MINDY1: variants seen among roughly 807,000 people sequenced by gnomAD.
MINDY1 encodes MINDY lysine 48 deubiquitinase 1, also known as ubiquitin carboxyl-terminal hydrolase MINDY-1.
Under a neutral mutation model 53.6 loss-of-function variants are expected in MINDY1, and 50 were observed. The observed-to-expected ratio is 0.93, with a 90% CI of 0.74 to 1.18. MINDY1 has a LOEUF of 1.18. Ranked by LOEUF, MINDY1 falls within the 50% of genes most tolerant of loss-of-function variation. The pLI, the probability that MINDY1 is intolerant of heterozygous loss-of-function variation, is 0.00. For missense variants in MINDY1, 484 were observed against 578.6 expected (o/e 0.84, Z 1.68); for synonymous variants, 231 against 234.7 (o/e 0.98, Z 0.14).
In MINDY1 at chr1:151,002,839, C is replaced by T. The variant is rs1178906502; in HGVS notation, c.-89-133G>A. The T allele has an allele frequency of 4.9e-6, 7 of 1,439,426 alleles. No homozygotes were observed. The highest frequency in any genetic ancestry group is 6.4e-6 in the Non-Finnish European group (7 of 1,099,794). 89.2% of individuals were successfully genotyped at this position (1,439,426 alleles called of 1,614,324 possible). A position where few individuals can be genotyped will look rare whatever the true frequency, so the allele number is the denominator to read the frequency against. ...TGGCTATGGGCAGTATATGTGTAAA[C>T]AGAAGGGCCCCGTGCTGAGCTCTTT... is the stretch of plus-strand genomic sequence containing the variant. On this transcript the variant is annotated intron_variant, in intron 1 of 9. Coordinates refer to ENST00000683666, the MANE Select transcript of MINDY1 (RefSeq NM_001376665.1). The surrounding 1 kb of genome is among the most constrained non-coding windows in gnomAD (Gnocchi z 4.1).
upstream of MINDY1, chr1:151,007,038 A>C (rs1031447285): frequency 7.8e-6 from 2 of 257,546 alleles, no homozygotes; most frequent in Non-Finnish European, 1.2e-5. Context: ...AGGAGCAAAG[A>C]GCACGATATT....
chr1:151,000,060 C>A, intron 5 of MINDY1, 96 bp from the exon 6 acceptor site: 1 of 862,954 alleles, frequency 1.2e-6, no homozygotes, highest in South Asian at 1.7e-5. Context: ...GACTACAACC[C>A]TGTGATGAAT....
At chr1:151,003,689 G>A (rs1672815547) in intron 1 of MINDY1, among the ~76,000 whole-genome samples, 1 of 152,154 alleles carries the variant, frequency 6.6e-6, no homozygotes, top group South Asian at 2.1e-4. Context: ...GGGATTACAG[G>A]CATGAGCCAC....
Position 150,998,193 on chromosome 1 carries a change from A to G in MINDY1, c.1062T>C (p.Asp354=). The change falls in exon 8 of 10, where the codon GAT becomes GAC. Residue 354 remains aspartate (D), a synonymous_variant. Coordinates refer to ENST00000683666, the MANE Select transcript of MINDY1 (RefSeq NM_001376665.1). ...CAGAGTCACAAAAGCAGCTGTCTCCATCCACATTGTGCAGGCTCTCCCATA... is the reference window on the plus strand; with the variant it reads ...CAGAGTCACAAAAGCAGCTGTCTCCGTCCACATTGTGCAGGCTCTCCCATA... ...QVVWESLHNV[D]GDSCFCDSDF... 1 of 1,614,188 alleles carries G rather than the reference A, an allele frequency of 6.2e-7. No individual in the cohort carries two copies. Among genetic ancestry groups the G allele is most frequent in the East Asian group, 2.2e-5 (1 of 44,890 alleles).
In MINDY1 at chr1:150,999,364, A is replaced by T. The variant is rs201570673; in HGVS notation, c.981+5T>A. 2,562 of 1,613,928 alleles carry T rather than the reference A, an allele frequency of 1.6e-3. 1 individual carries two copies. Among genetic ancestry groups the T allele is most frequent in the Non-Finnish European group, 1.9e-3 (2,270 of 1,179,908 alleles). ...CGCAGCACGCCACCCCCAAACTCGC[A>T]TTACCTTATGCTTAGTCATGGTGCT... is the stretch of plus-strand genomic sequence containing the variant. On this transcript the variant is annotated splice_donor_5th_base_variant and intron_variant, in intron 7 of 9. Transcript: ENST00000683666. The surrounding 1 kb of genome is among the most constrained non-coding windows in gnomAD (Gnocchi z 4.4).
chr1:150,998,226 C>G lies in MINDY1; in HGVS notation c.1029G>C (p.Glu343Asp). The change falls in exon 8 of 10, where the codon GAG (glutamate) becomes GAC (aspartate). Residue 343 changes from glutamate (E) to aspartate (D), a missense_variant. Glu to Asp is a conservative substitution (Grantham distance 45, BLOSUM62 2). Transcript: ENST00000683666. ...TGTGCAGGCTCTCCCATACGACTTG[C>G]TCCTCCTGTAGAAAGCCCTGGTCAG... ...LVTDQGFLQE[E>D]QVVWESLHNV... The G allele has an allele frequency of 1.9e-6, 3 of 1,614,184 alleles. No homozygotes were observed. Among genetic ancestry groups the G allele is most frequent in the Non-Finnish European group, 2.5e-6 (3 of 1,180,040 alleles).
chr1:150,997,693 C>A lies in MINDY1; in HGVS notation c.1260G>T (p.Gln420His), dbSNP rs1413060922. The change falls in exon 9 of 10, where the codon CAG becomes CAT. Residue 420 changes from glutamine (Q) to histidine (H), a missense_variant. Coordinates refer to ENST00000683666, the MANE Select transcript of MINDY1 (RefSeq NM_001376665.1). ...CCTGCTGCTGTTGATACTCCTCTTG[C>A]TGAAGCTGCTGGGCCAGCTCCAAGT... Reference protein sequence around the residue: ...LTDLELAQQLQQEEYQQQQAA... With the variant: ...LTDLELAQQLHQEEYQQQQAA... The A allele has an allele frequency of 6.2e-7, 1 of 1,613,540 alleles. No homozygotes were observed. The highest frequency in any genetic ancestry group is 8.5e-7 in the Non-Finnish European group (1 of 1,180,036).
chr1:151,007,437 G>A (rs1331747653), upstream of MINDY1, among the ~76,000 whole-genome samples: 1 of 152,182 alleles, frequency 6.6e-6, no homozygotes, highest in Non-Finnish European at 1.5e-5. Context: ...CCGGGAGGTG[G>A]AGGTTGCAGT....
chr1:151,007,087 A>C (rs587600682), upstream of MINDY1, among the ~76,000 whole-genome samples: 168 of 152,282 alleles, frequency 1.1e-3, no homozygotes, highest in South Asian at 3.7e-3. Context: ...ACAAACAAAC[A>C]AACCCAGCTC....
rs1014001139 is a variant in MINDY1 at position 151,002,365 on chromosome 1, G to A, written c.253C>T (p.Leu85=). 5 of 1,614,196 alleles carry A rather than the reference G, an allele frequency of 3.1e-6. No homozygotes were observed. The highest frequency in any genetic ancestry group is 4.2e-6 in the Non-Finnish European group (5 of 1,180,024). ...GCCCTTATTGTCTCTACTTCAGGCA[G>A]TGTCCCAAGGGTTGGCCCCGGTGGA... is the stretch of plus-strand genomic sequence containing the variant. ...SAPPGPTLGT[L]PEVETIRACS... Residue 85 remains leucine, a synonymous_variant, in exon 2 of 10, where the codon CTG becomes TTG. Coordinates refer to ENST00000683666, the MANE Select transcript of MINDY1 (RefSeq NM_001376665.1). This position sits in a 1 kb window ranked among gnomAD's most constrained non-coding sequence, Gnocchi z 4.1.
intron 5 of MINDY1, among the ~76,000 whole-genome samples, chr1:151,000,224 G>A (rs1284723958): frequency 1.3e-5 from 2 of 152,026 alleles, no homozygotes; most frequent in Non-Finnish European, 2.9e-5. Context: ...TCTGCTTCCT[G>A]AATTTTTGAT....
Position 151,000,623 on chromosome 1 carries a change from T to C in MINDY1, c.577-8A>G. 6.3e-7 allele frequency: 1 copy of C among 1,593,102 alleles called. No homozygotes were observed. The highest frequency in any genetic ancestry group is 8.5e-7 in the Non-Finnish European group (1 of 1,171,966). ...CATTGCATCATCCACATTCTGGGGGTAGAAAAAAAAATGATGGAGATTCTA... is the reference window on the plus strand; with the variant it reads ...CATTGCATCATCCACATTCTGGGGGCAGAAAAAAAAATGATGGAGATTCTA... On this transcript the variant is annotated splice_polypyrimidine_tract_variant and splice_region_variant and intron_variant, in intron 4 of 9. Transcript: ENST00000683666.
Position 150,996,885 on chromosome 1 carries a change from GAGAT to G in MINDY1, c.*398_*401del, listed in dbSNP as rs2102815080. ...AACCCCAGGAAGGCATTACAAATAA[GAGAT>G]AGAAACCCAAATTAAGCTCTGAAAC... On this transcript the variant is annotated 3_prime_UTR_variant, in exon 10 of 10. Transcript: ENST00000683666. 1 of 189,108 alleles carries G rather than the reference GAGAT, an allele frequency of 5.3e-6. No homozygotes were observed. Among genetic ancestry groups the G allele is most frequent in the African/African-American group, 2.4e-5 (1 of 42,502 alleles). The allele number at this position is 189,108 out of a possible 1,614,324, so 11.7% of individuals were successfully genotyped here.
At chr1:151,004,168 C>G (rs1672878296) in intron 1 of MINDY1, among the ~76,000 whole-genome samples, 1 of 152,106 alleles carries the variant, frequency 6.6e-6, no homozygotes, top group East Asian at 1.9e-4. Context: ...GGTGATCCTC[C>G]CACCTTGGCC....
At position 150,999,458 on chromosome 1, in the gene MINDY1, C is replaced by T. The variant is rs749451114; in HGVS notation, c.892G>A (p.Gly298Arg). Residue 298 changes from glycine to arginine, a missense_variant, in exon 7 of 10, where the codon GGA (glycine) becomes AGA (arginine). By Grantham distance (125) the Gly-to-Arg change is moderately radical. Transcript: ENST00000683666. This position sits in a 1 kb window ranked among gnomAD's most constrained non-coding sequence, Gnocchi z 4.4. ...ETTAAQLTYH[G>R]LCELTAAAKE... ...GCAGCTGCTGTCAGCTCACACAGTC[C>T]GTGGTAGGTCAGCTGGGCCGCGGTG... The T allele has an allele frequency of 1.2e-5, 20 of 1,614,008 alleles. No individual in the cohort carries two copies. The highest frequency in any genetic ancestry group is 4.4e-5 in the South Asian group (4 of 91,078).
chr1:151,005,675 AAATGT>A (rs1482487538), intron 1 of MINDY1, among the ~76,000 whole-genome samples: 1 of 152,132 alleles, frequency 6.6e-6, no homozygotes, highest in Non-Finnish European at 1.5e-5. Context: ...CAGGGGCAGG[AAATGT>A]AATGGAGGCT....
chr1:151,005,937 G>GT (rs1673147813), intron 1 of MINDY1, among the ~76,000 whole-genome samples: 1 of 152,154 alleles, frequency 6.6e-6, no homozygotes, highest in African/African-American at 2.4e-5. Context: ...CGTAAAACAG[G>GT]TATGTAGCTT....
chr1:151,002,985 CAG>C lies in MINDY1; in HGVS notation c.-89-281_-89-280del. The C allele has an allele frequency of 8.2e-7, 1 of 1,216,148 alleles. No individual in the cohort carries two copies. The highest frequency in any genetic ancestry group is 1.0e-6 in the Non-Finnish European group (1 of 970,950). 75.3% of individuals were successfully genotyped at this position (1,216,148 alleles called of 1,614,324 possible). ...TCAGCTTCCCTGAAACAGATCATGACAGGGAAGGGAGGAAAGACAGAGAGAAA... is the reference window on the plus strand; with the variant it reads ...TCAGCTTCCCTGAAACAGATCATGACGGAAGGGAGGAAAGACAGAGAGAAA... On this transcript the variant is annotated intron_variant, in intron 1 of 9. Transcript: ENST00000683666. This position sits in a 1 kb window ranked among gnomAD's most constrained non-coding sequence, Gnocchi z 4.1.
intron 2 of MINDY1, 103 bp from the exon 3 acceptor site, chr1:151,001,885 G>A: frequency 7.7e-7 from 1 of 1,292,024 alleles, no homozygotes; most frequent in Non-Finnish European, 1.1e-6. Flanking sequence ...GGGTGGGGTA[G>A]GAAAAAAGGC....
Sources: allele counts gnomAD v4.1 joint callset (sites outside exome capture counted in the v4.1 genomes callset), GRCh38; gene constraint gnomAD v4.1.1; non-coding constraint Gnocchi (gnomAD v3.1); transcripts MANE v1.5; gene names NCBI Gene and HGNC (gene_info 2026-07-23, HGNC 2026-07-21).